SCFD2: variants seen among roughly 807,000 people sequenced by gnomAD.
The protein encoded by SCFD2 is sec1 family domain containing 2, also known as sec1 family domain-containing protein 2.
Under a neutral mutation model 58.9 loss-of-function variants are expected in SCFD2, and 54 were observed. That is an observed-to-expected ratio of 0.92 (90% CI 0.74 to 1.15). SCFD2 has a LOEUF of 1.15. Ranked by LOEUF, SCFD2 falls within the 50% of genes most tolerant of loss-of-function variation. The probability of loss-of-function intolerance (pLI) is 0.00; values close to 1 mark genes in which losing one functional copy is unlikely to be tolerated. For missense variants in SCFD2, 805 were observed against 836.6 expected, an observed-to-expected ratio of 0.96 and a Z score of 0.47; for synonymous variants, 321 against 335.9, an observed-to-expected ratio of 0.96 and a Z score of 0.49.
At chr4:52,971,288 C>A (rs1317815274) in intron 5 of SCFD2, among the ~76,000 whole-genome samples, 1 of 152,086 alleles carries the variant, frequency 6.6e-6, no homozygotes, top group Non-Finnish European at 1.5e-5. Context: ...AGACAAATGG[C>A]TAACTAGAAT....
intron 8 of SCFD2, 129 bp downstream of exon 8, chr4:52,885,618 A>T: frequency 9.1e-7 from 1 of 1,096,516 alleles, no homozygotes; most frequent in Non-Finnish European, 1.3e-6. Flanking sequence ...GGAGGGAGGG[A>T]ACAAAGCCAA....
chr4:52,944,092 G>A (rs557385926), intron 5 of SCFD2, among the ~76,000 whole-genome samples: 34 of 152,266 alleles, frequency 2.2e-4, no homozygotes, highest in African/African-American at 7.9e-4. Flanking sequence ...TTGAATGATA[G>A]ATAACACTTG....
chr4:52,885,615 G>A (rs943416801), intron 8 of SCFD2, 132 bp downstream of exon 8: 39 of 1,033,818 alleles, frequency 3.8e-5, no homozygotes, highest in Non-Finnish European at 5.2e-5. Context: ...GCAGGAGGGA[G>A]GGAACAAAGC....
At chr4:53,285,485 G>A (rs1009937415) in intron 3 of SCFD2, among the ~76,000 whole-genome samples, 2 of 151,890 alleles carry the variant, frequency 1.3e-5, no homozygotes, top group African/African-American at 2.4e-5. Context: ...ATCATGTTGA[G>A]GATCCCTTAT....
At chr4:52,952,013 G>A (rs1308566616) in intron 5 of SCFD2, among the ~76,000 whole-genome samples, 2 of 152,176 alleles carry the variant, frequency 1.3e-5, no homozygotes, top group Non-Finnish European at 2.9e-5. Context: ...AGTATCTTAA[G>A]AACGAAGAGA....
At chr4:53,212,558 G>C (rs1728650801) in intron 4 of SCFD2, among the ~76,000 whole-genome samples, 2 of 146,152 alleles carry the variant, frequency 1.4e-5, no homozygotes, top group African/African-American at 5.1e-5. Context: ...GTAAGAGAGA[G>C]AGGAAGAAAG....
chr4:53,296,828 G>A (rs183865802), intron 3 of SCFD2, among the ~76,000 whole-genome samples: 1 of 152,042 alleles, frequency 6.6e-6, no homozygotes, highest in Non-Finnish European at 1.5e-5. Flanking sequence ...AGAGATTCTG[G>A]TACATTGTGT....
At chr4:53,361,883 G>A (rs1334500643) in intron 1 of SCFD2, among the ~76,000 whole-genome samples, 1 of 152,094 alleles carries the variant, frequency 6.6e-6, no homozygotes, top group African/African-American at 2.4e-5. Context: ...AAATAAGTGT[G>A]TTAATTTCAA....
intron 4 of SCFD2, among the ~76,000 whole-genome samples, chr4:53,231,249 T>A (rs1402389575): frequency 6.6e-6 from 1 of 152,204 alleles, no homozygotes; most frequent in African/African-American, 2.4e-5. Context: ...GTGCTGACTA[T>A]AATCCTTATT....
intron 5 of SCFD2, among the ~76,000 whole-genome samples, chr4:52,975,443 G>A (rs1383552634): frequency 6.6e-6 from 1 of 152,242 alleles, no homozygotes; most frequent in Non-Finnish European, 1.5e-5. Flanking sequence ...CTGACCAGCA[G>A]AGAATTGCAA....
intron 4 of SCFD2, among the ~76,000 whole-genome samples, chr4:53,258,188 A>G (rs578198959): frequency 1.4e-4 from 22 of 152,246 alleles, no homozygotes; most frequent in African/African-American, 5.1e-4. Flanking sequence ...TTTTATTTCA[A>G]TAGGTTTTGG....
At chr4:53,132,887 T>G (rs577943760) in intron 5 of SCFD2, among the ~76,000 whole-genome samples, 1 of 152,224 alleles carries the variant, frequency 6.6e-6, no homozygotes, top group Non-Finnish European at 1.5e-5. Context: ...ACTGGAATAC[T>G]GTCCTGAGGA....
At chr4:53,055,697 T>C (rs534347659) in intron 5 of SCFD2, among the ~76,000 whole-genome samples, 2 of 152,294 alleles carry the variant, frequency 1.3e-5, no homozygotes, top group African/African-American at 4.8e-5. Context: ...CAGAGTCTTA[T>C]GATGGGTACA....
chr4:53,104,784 A>G (rs1724936895), intron 5 of SCFD2, among the ~76,000 whole-genome samples: 1 of 152,224 alleles, frequency 6.6e-6, no homozygotes, highest in Non-Finnish European at 1.5e-5. Flanking sequence ...TCATCACAAA[A>G]CACAGATGAC....
intron 5 of SCFD2, among the ~76,000 whole-genome samples, chr4:52,970,051 C>T (rs910053379): frequency 6.6e-6 from 1 of 152,150 alleles, no homozygotes; most frequent in African/African-American, 2.4e-5. Context: ...GCCAAGATGG[C>T]TGAATAGGAA....
At chr4:53,296,609 T>C (rs1388306367) in intron 3 of SCFD2, among the ~76,000 whole-genome samples, 1 of 152,212 alleles carries the variant, frequency 6.6e-6, no homozygotes, top group Non-Finnish European at 1.5e-5. Flanking sequence ...CACTGATTTT[T>C]TTGAAGTGTT....
At chr4:52,911,475 C>T (rs1719484357) in intron 6 of SCFD2, among the ~76,000 whole-genome samples, 1 of 152,170 alleles carries the variant, frequency 6.6e-6, no homozygotes, top group Non-Finnish European at 1.5e-5. Context: ...TGTGATTGTT[C>T]TGTGCTACAC....
intron 1 of SCFD2, among the ~76,000 whole-genome samples, chr4:53,354,713 T>G (rs1288318635): frequency 2.6e-5 from 4 of 152,226 alleles, no homozygotes; most frequent in African/African-American, 9.6e-5. Flanking sequence ...ATCTAGTCAG[T>G]CAGGTAAATA....
chr4:53,320,207 G>C (rs1732985295), intron 2 of SCFD2, among the ~76,000 whole-genome samples: 1 of 152,204 alleles, frequency 6.6e-6, no homozygotes, highest in Non-Finnish European at 1.5e-5. Flanking sequence ...AACTCAGGTT[G>C]CTGTGAACTC....
Sources: gnomAD v4.1 joint callset for allele counts (sites outside exome capture counted in the v4.1 genomes callset) on GRCh38, gnomAD v4.1.1 for gene constraint, MANE v1.5 for transcripts, NCBI Gene and HGNC (gene_info 2026-07-23, HGNC 2026-07-21) for gene names.